The following PCSK5 variants were observed in gnomAD, a reference collection of about 807,000 sequenced individuals.
PCSK5 encodes prohormone convertase 5.
A neutral mutation model predicts 233.2 loss-of-function variants in PCSK5; 129 were observed. The ratio of observed to expected loss-of-function variants is 0.55; its 90% CI spans 0.48 to 0.64. The LOEUF (loss-of-function observed/expected upper bound fraction) is 0.64. Ranked by LOEUF, PCSK5 falls within the 30% of genes least tolerant of loss-of-function variation. The pLI is 0.00. For missense variants in PCSK5, 2,076 were observed against 2,430.1 expected (o/e 0.85, Z 3.06); for synonymous variants, 825 against 879.2 (o/e 0.94, Z 1.09).
intron 2 of PCSK5, among the ~76,000 whole-genome samples, chr9:75,944,131 C>G (rs1292544450): frequency 6.6e-6 from 1 of 151,424 alleles, no homozygotes; most frequent in African/African-American, 2.4e-5. Context: ...CCACTGCACT[C>G]CAGCCTGAGT....
chr9:76,099,798 G>A (rs73650438), intron 8 of PCSK5, among the ~76,000 whole-genome samples: 111 of 152,280 alleles, frequency 7.3e-4, no homozygotes, highest in African/African-American at 2.3e-3. Context: ...AGGAATGGCA[G>A]TGCCTGTCTT....
intron 6 of PCSK5, among the ~76,000 whole-genome samples, chr9:76,070,481 G>A (rs2075675809): frequency 6.6e-6 from 1 of 152,090 alleles, no homozygotes; most frequent in South Asian, 2.1e-4. Flanking sequence ...AGATGGCAGT[G>A]GGAACTTATG....
At chr9:76,284,293 G>T (rs1381932498) in intron 24 of PCSK5, among the ~76,000 whole-genome samples, 1 of 152,114 alleles carries the variant, frequency 6.6e-6, no homozygotes, top group Non-Finnish European at 1.5e-5. Flanking sequence ...ACATGTCAAG[G>T]GAGGGACCCG....
At chr9:76,053,323 C>T (rs1355367281) in intron 5 of PCSK5, among the ~76,000 whole-genome samples, 3 of 152,236 alleles carry the variant, frequency 2.0e-5, no homozygotes, top group Non-Finnish European at 2.9e-5. Flanking sequence ...TTAGCCTGGA[C>T]ATCCAGGCAT....
chr9:76,222,603 C>T (rs10869737), intron 20 of PCSK5, among the ~76,000 whole-genome samples: 41,811 of 152,018 alleles, frequency 0.28, 6,813 homozygotes, highest in East Asian at 0.66. Flanking sequence ...AATATTCGTG[C>T]TTTTGTGACT....
rs200542110 is a variant in PCSK5, at chr9:76,296,878, C to T, written c.3523+13C>T. 4.4e-6 allele frequency: 7 copies of T among 1,584,230 alleles called. No homozygotes were observed. The highest frequency in any genetic ancestry group is 6.1e-6 in the Non-Finnish European group (7 of 1,156,436). On this transcript the variant is annotated intron_variant, in intron 27 of 37. Coordinates refer to ENST00000674117, the MANE Select transcript of PCSK5 (RefSeq NM_001372043.1). ...AAATTCTGGAATGGTATGTGCCCCC[C>T]AAAAAAGAGGTCACAGGGGTCTAGC...
chr9:76,239,141 T>C lies in PCSK5; in HGVS notation c.3049T>C (p.Cys1017Arg). ...CTTCATAGCGCCCACCAACCACACA[T>C]GCCAGAAGTTAGAGTGTGGACAAGG... ...GYFIAPTNHT[C>R]QKLECGQGEV... Residue 1017 changes from cysteine (C) to arginine (R), a missense_variant, in exon 23 of 38, where the codon TGC becomes CGC. Around this residue, in one of 6 missense-constraint regions of PCSK5, gnomAD observed 1,510 missense variants for 1,538.1 expected, o/e 0.98. Coordinates refer to ENST00000674117, the MANE Select transcript of PCSK5 (RefSeq NM_001372043.1). 6.3e-7 allele frequency: 1 copy of C among 1,589,438 alleles called. No homozygotes were observed. The highest frequency in any genetic ancestry group is 2.3e-5 in the East Asian group (1 of 43,614).
chr9:76,017,999 G>GTCT (rs1177612786), intron 3 of PCSK5, among the ~76,000 whole-genome samples: 4 of 29,840 alleles, frequency 1.3e-4, no homozygotes, highest in African/African-American at 7.6e-4. Context: ...GTTAAAGAAG[G>GTCT]TCTCCTCCAA....
chr9:75,984,392 A>G (rs1185844649), intron 2 of PCSK5, among the ~76,000 whole-genome samples: 1 of 152,192 alleles, frequency 6.6e-6, no homozygotes, highest in Non-Finnish European at 1.5e-5. Context: ...GCACACATAT[A>G]GGTTGGCAGT....
chr9:76,300,926 C>T (rs1001617420), intron 27 of PCSK5, among the ~76,000 whole-genome samples: 8 of 152,204 alleles, frequency 5.3e-5, no homozygotes, highest in African/African-American at 1.9e-4. Flanking sequence ...CCAGTTTTAA[C>T]ACTTGAAACA....
chr9:76,273,932 G>A (rs1392082391), intron 24 of PCSK5, among the ~76,000 whole-genome samples: 1 of 150,800 alleles, frequency 6.6e-6, no homozygotes, highest in Non-Finnish European at 1.5e-5. Context: ...GCCAGCATGA[G>A]CCACTGTGCC....
intron 25 of PCSK5, among the ~76,000 whole-genome samples, chr9:76,292,665 A>G (rs1490437571): frequency 6.6e-6 from 1 of 152,230 alleles, no homozygotes; most frequent in Admixed American, 6.5e-5. Flanking sequence ...GCCAGGTGCT[A>G]TATCAGCTCT....
At chr9:76,041,454 T>A (rs1020610548) in intron 5 of PCSK5, among the ~76,000 whole-genome samples, 1 of 152,218 alleles carries the variant, frequency 6.6e-6, no homozygotes, top group African/African-American at 2.4e-5. Flanking sequence ...TTATTTTCCC[T>A]GGAGCTTCTC....
At chr9:76,160,043 G>A (rs1449888339) in intron 12 of PCSK5, among the ~76,000 whole-genome samples, 2 of 151,962 alleles carry the variant, frequency 1.3e-5, no homozygotes, top group African/African-American at 4.8e-5. Flanking sequence ...GGATGGTCTC[G>A]ATCTCCTGAC....
intron 29 of PCSK5, 140 bp from the exon 30 acceptor site, chr9:76,310,516 A>C: frequency 2.0e-6 from 1 of 501,922 alleles, no homozygotes; most frequent in Non-Finnish European, 3.4e-6. Flanking sequence ...TGGAGGACTT[A>C]GCATCACTAG....
At chr9:76,058,688 C>T (rs1165976620) in intron 5 of PCSK5, among the ~76,000 whole-genome samples, 2 of 152,000 alleles carry the variant, frequency 1.3e-5, no homozygotes, top group Admixed American at 1.3e-4. Context: ...AAAAAATTGA[C>T]ATGAAAACAG....
chr9:76,148,895 G>A (rs1039590481), intron 10 of PCSK5, among the ~76,000 whole-genome samples: 5 of 152,154 alleles, frequency 3.3e-5, no homozygotes, highest in African/African-American at 1.2e-4. Context: ...GGCCCTCATT[G>A]CCTCCAGAGT....
At chr9:76,088,090 AG>A (rs775731175) in intron 7 of PCSK5, among the ~76,000 whole-genome samples, 2 of 152,208 alleles carry the variant, frequency 1.3e-5, no homozygotes, top group Non-Finnish European at 2.9e-5. Flanking sequence ...AGCCAGTCTG[AG>A]GATGTTTAGA....
At chr9:76,180,588 A>C (rs1587725622) in intron 15 of PCSK5, among the ~76,000 whole-genome samples, 1 of 149,866 alleles carries the variant, frequency 6.7e-6, no homozygotes, top group Non-Finnish European at 1.5e-5. Flanking sequence ...GTTCATCCTG[A>C]CCTCCCCTTG....
Sources: gnomAD v4.1 joint callset for allele counts (sites outside exome capture counted in the v4.1 genomes callset) on GRCh38, gnomAD v4.1.1 for gene constraint, gnomAD v4.1.1 regional missense constraint, MANE v1.5 for transcripts, NCBI Gene and HGNC (gene_info 2026-07-23, HGNC 2026-07-21) for gene names.